Variants in ULK4 observed in about 807,000 individuals in gnomAD.
The protein encoded by ULK4 is inactive serine/threonine-protein kinase ULK4.
Under a neutral mutation model 160.6 loss-of-function variants are expected in ULK4, and 133 were observed. The observed-to-expected ratio is 0.83, with a 90% CI of 0.72 to 0.96. The LOEUF (loss-of-function observed/expected upper bound fraction) is 0.96. Among genes scored for constraint, ULK4 ranks in the 40% least tolerant of loss-of-function variants. The pLI, the probability that ULK4 is intolerant of heterozygous loss-of-function variation, is 0.00. For missense variants in ULK4, 1,580 were observed against 1,499.5 expected (o/e 1.05, Z -0.89); for synonymous variants, 534 against 539.8 (o/e 0.99, Z 0.15).
At position 41,889,365 on chromosome 3, in the gene ULK4, C is replaced by T. The variant is rs537153340; in HGVS notation, c.1578-5413G>A. On this transcript the variant is annotated intron_variant, in intron 16 of 36. Coordinates refer to ENST00000301831, the MANE Select transcript of ULK4 (RefSeq NM_017886.4). ...CAGACAAAAAGAAAATGAACAAAAC[C>T]TTTCAAATATGATTGTTGAAATTAA... 3.3e-5 allele frequency among the ~76,000 whole-genome samples: 5 copies of T among 152,126 alleles called. No homozygotes were observed. In the South Asian group the frequency reaches 1.0e-3, roughly 32 times the overall value.
At chr3:41,806,688 T>C (rs573921984) in intron 19 of ULK4, among the ~76,000 whole-genome samples, 6 of 152,328 alleles carry the variant, frequency 3.9e-5, no homozygotes, top group African/African-American at 1.2e-4. Context: ...TGTTGTGTCT[T>C]TGTTCTCGTT....
At chr3:41,468,384 G>T (rs1180194461) in intron 32 of ULK4, among the ~76,000 whole-genome samples, 2 of 152,112 alleles carry the variant, frequency 1.3e-5, no homozygotes, top group Non-Finnish European at 2.9e-5. Flanking sequence ...TGGAGGCAAA[G>T]GTGCTAATAT....
intron 21 of ULK4, among the ~76,000 whole-genome samples, chr3:41,780,601 C>T (rs2039807363): frequency 6.6e-6 from 1 of 152,024 alleles, no homozygotes; most frequent in Non-Finnish European, 1.5e-5. Flanking sequence ...AGCTCAGGTG[C>T]ATTAAGAAGA....
chr3:41,696,318 G>C (rs1056514510), intron 27 of ULK4, among the ~76,000 whole-genome samples: 3 of 152,154 alleles, frequency 2.0e-5, no homozygotes, highest in African/African-American at 7.2e-5. Flanking sequence ...ATTAGTGAAA[G>C]TACTAAAAGT....
chr3:41,519,376 G>A lies in ULK4; in HGVS notation c.3226+46649C>T, dbSNP rs530627585. ...TCCTAGCATCTTCCACCACTCCCCA[G>A]GAGGGGTTCCTACTTGCCTCACTAC... On this transcript the variant is annotated intron_variant, in intron 32 of 36. Coordinates refer to ENST00000301831, the MANE Select transcript of ULK4 (RefSeq NM_017886.4). Among the ~76,000 whole-genome samples, 2 of 152,300 alleles carry A rather than the reference G, an allele frequency of 1.3e-5. 1 individual carries two copies. Among genetic ancestry groups the A allele is most frequent in the African/African-American group, 4.8e-5 (2 of 41,566 alleles).
chr3:41,481,115 T>G (rs149951335), intron 32 of ULK4, among the ~76,000 whole-genome samples: 38 of 152,304 alleles, frequency 2.5e-4, no homozygotes, highest in African/African-American at 8.9e-4. Context: ...AACAGTAGGC[T>G]ATTAGTAGTT....
At chr3:41,443,160 C>T (rs2083211509) in intron 34 of ULK4, among the ~76,000 whole-genome samples, 1 of 152,174 alleles carries the variant, frequency 6.6e-6, no homozygotes, top group South Asian at 2.1e-4. Context: ...TAAGTTCATT[C>T]TCACCAGGTT....
chr3:41,376,719 A>C (rs897478636), intron 35 of ULK4, among the ~76,000 whole-genome samples: 4 of 150,108 alleles, frequency 2.7e-5, no homozygotes, highest in Non-Finnish European at 1.5e-5. Context: ...TCAAGGAAAT[A>C]AAAGAGGATA....
intron 35 of ULK4, among the ~76,000 whole-genome samples, chr3:41,330,332 G>A (rs1208541496): frequency 6.6e-6 from 1 of 152,128 alleles, no homozygotes; most frequent in Non-Finnish European, 1.5e-5. Context: ...CTGACAATCT[G>A]AGCACTTCTG....
intron 23 of ULK4, among the ~76,000 whole-genome samples, chr3:41,716,627 T>C (rs1042095969): frequency 3.9e-5 from 6 of 152,228 alleles, no homozygotes; most frequent in African/African-American, 1.4e-4. Flanking sequence ...TTTGATTTAA[T>C]GTTCTGAATT....
At chr3:41,512,889 A>T (rs879552717) in intron 32 of ULK4, among the ~76,000 whole-genome samples, 1 of 152,220 alleles carries the variant, frequency 6.6e-6, no homozygotes, top group Non-Finnish European at 1.5e-5. Context: ...CTATAAGGTA[A>T]TAGTCACCAA....
chr3:41,360,876 T>TACATAG (rs2081129158), intron 35 of ULK4, among the ~76,000 whole-genome samples: 1 of 151,998 alleles, frequency 6.6e-6, no homozygotes, highest in Admixed American at 6.6e-5. Context: ...TAGCACACGT[T>TACATAG]TACCTATGTA....
rs1211749964 is a variant in ULK4 at position 41,453,105 on chromosome 3, G to GTCT, written c.3492+2391_3492+2392insAGA. Among the ~76,000 whole-genome samples the GTCT allele has an allele frequency of 3.3e-5, 5 of 152,142 alleles. No homozygotes were observed. The East Asian group carries it at 9.7e-4, about 29-fold the overall frequency. The stretch of plus-strand genomic sequence containing the variant: ...AAAGAAGGGCTAAGTAAGATCAAAG[G>GTCT]TAAAGCACTAATAGAATCTAGCTCA... On this transcript the variant is annotated intron_variant, in intron 34 of 36. Coordinates refer to ENST00000301831, the MANE Select transcript of ULK4 (RefSeq NM_017886.4).
chr3:41,536,904 C>T (rs9870125), intron 32 of ULK4, among the ~76,000 whole-genome samples: 42,534 of 151,974 alleles, frequency 0.28, 6,455 homozygotes, highest in African/African-American at 0.39. Flanking sequence ...TAAACAGTAC[C>T]AATCCTTCTT....
intron 17 of ULK4, among the ~76,000 whole-genome samples, chr3:41,881,123 C>A (rs531784814): frequency 6.6e-6 from 1 of 151,978 alleles, no homozygotes; most frequent in Admixed American, 6.5e-5. Flanking sequence ...AGTTATGAAC[C>A]AAAGATTCAC....
In ULK4 at chr3:41,272,583, A is replaced by ATT. The variant is rs200983925; in HGVS notation, c.3679-23011_3679-23010dup. ...ATTTGATCATGATATACCTTGGTGT[A>ATT]TTTTTTTTTTTTATGTTTCTAGTGC... On this transcript the variant is annotated intron_variant, in intron 35 of 36. Coordinates refer to ENST00000301831, the MANE Select transcript of ULK4 (RefSeq NM_017886.4). 3.7e-3 allele frequency among the ~76,000 whole-genome samples: 527 copies of ATT among 144,088 alleles called. 1 individual carries two copies. Among genetic ancestry groups the ATT allele is most frequent in the East Asian group, 0.015 (72 of 4,950 alleles). 94.5% of individuals were successfully genotyped at this position (144,088 alleles called of 152,430 possible). A position where few individuals can be genotyped will look rare whatever the true frequency, so the allele number is the denominator to read the frequency against.
chr3:41,915,968 T>TG lies in ULK4; in HGVS notation c.803+8dup, dbSNP rs745845056. 3 of 1,572,016 alleles carry TG rather than the reference T, an allele frequency of 1.9e-6. No individual in the cohort carries two copies. In the African/African-American group the frequency reaches 4.1e-5, roughly 22 times the overall value. ...GAAAAAGAAAAAAAGATCGAACTAC[T>TG]GTCCCTACCTTTTCTGAGGATCTCT... On this transcript the variant is annotated intron_variant, in intron 8 of 36. Transcript: ENST00000301831.
intron 7 of ULK4, among the ~76,000 whole-genome samples, chr3:41,916,802 G>C (rs1306146797): frequency 6.7e-6 from 1 of 149,514 alleles, no homozygotes; most frequent in African/African-American, 2.5e-5. Flanking sequence ...CTGCCTCCCA[G>C]GTATATGCGA....
chr3:41,371,282 T>A, intron 35 of ULK4, among the ~76,000 whole-genome samples: 1 of 152,208 alleles, frequency 6.6e-6, no homozygotes, highest in East Asian at 1.9e-4. Context: ...CTCAGCACAG[T>A]GCTCAAGCTC....
Sources: gnomAD v4.1 joint callset for allele counts (sites outside exome capture counted in the v4.1 genomes callset) on GRCh38, gnomAD v4.1.1 for gene constraint, MANE v1.5 for transcripts, NCBI Gene and HGNC (gene_info 2026-07-23, HGNC 2026-07-21) for gene names.